The following CTNNA3 variants were observed in gnomAD, a reference collection of about 807,000 sequenced individuals.
The protein encoded by CTNNA3 is catenin alpha-3.
In CTNNA3, 76 loss-of-function variants were observed where a neutral mutation model predicts 95.7. The observed-to-expected ratio is 0.79, with a 90% CI of 0.66 to 0.96. The LOEUF (loss-of-function observed/expected upper bound fraction) is 0.96. Among genes scored for constraint, CTNNA3 ranks in the 40% least tolerant of loss-of-function variants. CTNNA3 has a pLI of 0.00. For missense variants in CTNNA3, 1,191 were observed against 1,089.8 expected (o/e 1.09, Z -1.31); for synonymous variants, 431 against 374.4 (o/e 1.15, Z -1.74).
intron 1 of CTNNA3, among the ~76,000 whole-genome samples, chr10:67,676,499 A>G (rs972331523): frequency 2.6e-5 from 4 of 152,168 alleles, no homozygotes; most frequent in South Asian, 4.1e-4. Flanking sequence ...CCACTTCCCA[A>G]TTGCCAGACT....
At chr10:66,008,350 T>C (rs927873485) in intron 15 of CTNNA3, among the ~76,000 whole-genome samples, 5 of 152,212 alleles carry the variant, frequency 3.3e-5, no homozygotes, top group African/African-American at 9.7e-5. Flanking sequence ...GCCACTTAAT[T>C]GGAAAAAAAT....
chr10:67,694,140 T>C (rs540621625), intron 1 of CTNNA3, among the ~76,000 whole-genome samples: 1 of 152,332 alleles, frequency 6.6e-6, no homozygotes, highest in African/African-American at 2.4e-5. Flanking sequence ...CATTCTGTTA[T>C]TTTCATGTGC....
At chr10:67,432,647 T>C (rs569863923) in intron 5 of CTNNA3, among the ~76,000 whole-genome samples, 3 of 152,180 alleles carry the variant, frequency 2.0e-5, no homozygotes, top group South Asian at 2.1e-4. Flanking sequence ...TGATTGCATT[T>C]AGATCCCAAC....
At chr10:66,455,822 C>G (rs905252852) in intron 11 of CTNNA3, among the ~76,000 whole-genome samples, 1 of 152,144 alleles carries the variant, frequency 6.6e-6, no homozygotes, top group Non-Finnish European at 1.5e-5. Context: ...AGTCAAGAAC[C>G]CTTCTGGACT....
chr10:65,966,952 A>T lies in CTNNA3; in HGVS notation c.2266-206T>A, dbSNP rs7907337. On this transcript the variant is annotated intron_variant, in intron 16 of 17. Transcript: ENST00000433211. ...TAGTTACTTCAGCTTAGCCAAAAGGAACGTTAAAATAATTATTTTTTTGAG... is the reference window on the plus strand; with the variant it reads ...TAGTTACTTCAGCTTAGCCAAAAGGTACGTTAAAATAATTATTTTTTTGAG... Among the ~76,000 whole-genome samples, 2,204 of 152,170 alleles carry T rather than the reference A, an allele frequency of 0.014. 55 individuals carry two copies. Among genetic ancestry groups the T allele is most frequent in the African/African-American group, 0.051 (2,098 of 41,500 alleles).
chr10:67,568,003 C>A (rs1841864736), intron 3 of CTNNA3, among the ~76,000 whole-genome samples: 1 of 152,100 alleles, frequency 6.6e-6, no homozygotes, highest in African/African-American at 2.4e-5. Context: ...CAGTAGTTGA[C>A]AACTTGCCCC....
intron 10 of CTNNA3, among the ~76,000 whole-genome samples, chr10:66,570,690 A>G (rs548020135): frequency 2.8e-5 from 4 of 145,254 alleles, no homozygotes; most frequent in Admixed American, 2.1e-4. Flanking sequence ...GAGCAAAAGT[A>G]AAAAAAAAAA....
chr10:66,496,070 G>T (rs577008973), intron 11 of CTNNA3, among the ~76,000 whole-genome samples: 5 of 152,152 alleles, frequency 3.3e-5, no homozygotes, highest in Admixed American at 6.5e-5. Flanking sequence ...TAGATAAAAA[G>T]ATATTATTTT....
chr10:66,134,975 A>C (rs1445717356), intron 13 of CTNNA3, among the ~76,000 whole-genome samples: 1 of 152,126 alleles, frequency 6.6e-6, no homozygotes, highest in Non-Finnish European at 1.5e-5. Context: ...TGATTCTGAA[A>C]ATATTTTGTG....
chr10:67,072,839 TTTTG>T (rs1856541870), intron 7 of CTNNA3, among the ~76,000 whole-genome samples: 1 of 151,842 alleles, frequency 6.6e-6, no homozygotes, highest in Non-Finnish European at 1.5e-5. Context: ...TGCCAAGTCC[TTTTG>T]TTTGTTTATT....
intron 5 of CTNNA3, among the ~76,000 whole-genome samples, chr10:67,354,891 A>C (rs921177591): frequency 1.3e-5 from 2 of 151,952 alleles, no homozygotes; most frequent in African/African-American, 2.4e-5. Context: ...ATAACAACCT[A>C]GGGTATCTAT....
chr10:66,468,827 C>T (rs1267338990), intron 11 of CTNNA3, among the ~76,000 whole-genome samples: 1 of 151,620 alleles, frequency 6.6e-6, no homozygotes, highest in African/African-American at 2.4e-5. Flanking sequence ...TAATCACAGT[C>T]GAATTTTCTG....
At chr10:66,945,528 G>T (rs10822949) in intron 7 of CTNNA3, among the ~76,000 whole-genome samples, 143,918 of 152,204 alleles carry the variant, frequency 0.95, 68,586 homozygotes, top group East Asian at 1. Context: ...CCACTAAAAT[G>T]TTCTCCATAT....
intron 9 of CTNNA3, among the ~76,000 whole-genome samples, chr10:66,739,573 T>C (rs950352139): frequency 1.5e-4 from 23 of 152,202 alleles, no homozygotes; most frequent in African/African-American, 5.3e-4. Flanking sequence ...ATTTATGCAT[T>C]TTACTATTAG....
At chr10:65,938,610 TTTAG>T (rs2077379310) in intron 17 of CTNNA3, among the ~76,000 whole-genome samples, 1 of 152,198 alleles carries the variant, frequency 6.6e-6, no homozygotes, top group Non-Finnish European at 1.5e-5. Flanking sequence ...CAGCCCTGAA[TTTAG>T]TTAACCTTTG....
chr10:67,586,449 CTT>C (rs2133335472), intron 3 of CTNNA3, among the ~76,000 whole-genome samples: 1 of 152,218 alleles, frequency 6.6e-6, no homozygotes, highest in South Asian at 2.1e-4. Context: ...GTCTCTCTCT[CTT>C]TAGATCTAGT....
chr10:67,675,585 A>G (rs1840520619), intron 1 of CTNNA3, among the ~76,000 whole-genome samples: 2 of 152,174 alleles, frequency 1.3e-5, no homozygotes, highest in South Asian at 4.1e-4. Context: ...TCTAATGGGC[A>G]AAGCAAGTTA....
At chr10:66,116,057 C>T (rs117761574) in intron 13 of CTNNA3, among the ~76,000 whole-genome samples, 3,231 of 152,200 alleles carry the variant, frequency 0.021, 62 homozygotes, top group South Asian at 0.072. Context: ...TGCGACAAAA[C>T]AAATATTTGG....
intron 3 of CTNNA3, among the ~76,000 whole-genome samples, chr10:67,562,331 C>T (rs1841547683): frequency 6.6e-6 from 1 of 152,126 alleles, no homozygotes. Context: ...AAGGCTGGTT[C>T]AACATACACA....
Sources: allele counts gnomAD v4.1 joint callset (sites outside exome capture counted in the v4.1 genomes callset), GRCh38; gene constraint gnomAD v4.1.1; transcripts MANE v1.5; gene names NCBI Gene and HGNC (gene_info 2026-07-23, HGNC 2026-07-21).